Variants in SPATA17 observed in about 807,000 individuals in gnomAD.
The protein encoded by SPATA17 is spermatogenesis associated 17.
In SPATA17, 53 loss-of-function variants were observed where a neutral mutation model predicts 62.2. That is an observed-to-expected ratio of 0.85 (90% confidence interval 0.68 to 1.07). The LOEUF is 1.07. Ranked by LOEUF, SPATA17 falls within the 50% of genes least tolerant of loss-of-function variation. The probability of loss-of-function intolerance (pLI) is 0.00; values close to 1 mark genes in which losing one functional copy is unlikely to be tolerated. For synonymous variants in SPATA17, 146 were observed against 146.8 expected (o/e 0.99, Z 0.04); for missense variants, 466 against 425.5 (o/e 1.10, Z -0.84).
chr1:217,660,727 G>A (rs893469747), intron 3 of SPATA17, among the ~76,000 whole-genome samples: 5 of 152,154 alleles, frequency 3.3e-5, no homozygotes, highest in Non-Finnish European at 7.3e-5. Flanking sequence ...GGGCTGAGAC[G>A]AAGAGATATG....
chr1:217,729,166 A>G (rs1381582458), intron 5 of SPATA17, among the ~76,000 whole-genome samples: 1 of 152,198 alleles, frequency 6.6e-6, no homozygotes, highest in Non-Finnish European at 1.5e-5. Context: ...TCTGCAGTAA[A>G]CAGCTGGGTA....
intron 9 of SPATA17, among the ~76,000 whole-genome samples, chr1:217,860,315 C>G (rs1675873126): frequency 6.6e-6 from 1 of 152,052 alleles, no homozygotes; most frequent in South Asian, 2.1e-4. Flanking sequence ...TTTTATGGCC[C>G]AAGATGTGGT....
At chr1:217,770,978 ATTTTTTTTTT>A (rs374042087) in intron 6 of SPATA17, among the ~76,000 whole-genome samples, 552 of 50,160 alleles carry the variant, frequency 0.011, 4 homozygotes, top group African/African-American at 0.045. Flanking sequence ...AACTCATTGC[ATTTTTTTTTT>A]TTTTTTTTTT....
intron 8 of SPATA17, among the ~76,000 whole-genome samples, chr1:217,789,173 T>A (rs964700431): frequency 3.9e-5 from 6 of 152,172 alleles, no homozygotes; most frequent in African/African-American, 1.2e-4. Context: ...TCTACATCTT[T>A]TAGAAAAACA....
At chr1:217,754,560 C>T (rs1672996618) in intron 6 of SPATA17, among the ~76,000 whole-genome samples, 1 of 152,006 alleles carries the variant, frequency 6.6e-6, no homozygotes, top group East Asian at 1.9e-4. Context: ...GAGTTAGATG[C>T]TATTATGTAT....
intron 9 of SPATA17, among the ~76,000 whole-genome samples, chr1:217,819,474 C>A (rs2102996103): frequency 6.6e-6 from 1 of 152,040 alleles, no homozygotes; most frequent in East Asian, 1.9e-4. Flanking sequence ...CAATGCTCTT[C>A]TCTATAGTTG....
At chr1:217,745,083 T>C (rs1353934095) in intron 6 of SPATA17, among the ~76,000 whole-genome samples, 1 of 152,196 alleles carries the variant, frequency 6.6e-6, no homozygotes, top group Non-Finnish European at 1.5e-5. Context: ...AAAAAATTAG[T>C]TAGAAATTTC....
intron 9 of SPATA17, among the ~76,000 whole-genome samples, chr1:217,823,220 T>G (rs1674910285): frequency 6.6e-6 from 1 of 151,950 alleles, no homozygotes; most frequent in African/African-American, 2.4e-5. Flanking sequence ...TTTACCTGGT[T>G]ATATGAATCA....
chr1:217,732,149 A>C (rs1672417650), intron 5 of SPATA17, among the ~76,000 whole-genome samples: 3 of 151,600 alleles, frequency 2.0e-5, no homozygotes, highest in South Asian at 2.1e-4. Context: ...CCAACAATAA[A>C]TGGGATGGCA....
intron 9 of SPATA17, among the ~76,000 whole-genome samples, chr1:217,825,607 A>G (rs1674982294): frequency 6.6e-6 from 1 of 151,988 alleles, no homozygotes; most frequent in Non-Finnish European, 1.5e-5. Flanking sequence ...ACATATACAT[A>G]TATGTTATGT....
At chr1:217,863,018 C>G (rs1675928468) in intron 10 of SPATA17, among the ~76,000 whole-genome samples, 162 bp downstream of exon 10, 1 of 151,194 alleles carries the variant, frequency 6.6e-6, no homozygotes, top group Non-Finnish European at 1.5e-5. Context: ...TAATGGTTTT[C>G]AACATTTAAA....
chr1:217,691,490 T>C (rs1417267967), intron 5 of SPATA17, among the ~76,000 whole-genome samples: 1 of 78,926 alleles, frequency 1.3e-5, no homozygotes, highest in African/African-American at 4.9e-5. Context: ...AGCTCTTTAG[T>C]TTAATTAGAT....
At chr1:217,683,405 G>T in intron 5 of SPATA17, 44 bp downstream of exon 5, 1 of 1,252,604 alleles carries the variant, frequency 8.0e-7, no homozygotes, top group Non-Finnish European at 1.2e-6. Flanking sequence ...ACTTTGGAAA[G>T]ATTACTCAAT....
intron 6 of SPATA17, among the ~76,000 whole-genome samples, chr1:217,772,339 A>G (rs1673469748): frequency 6.6e-6 from 1 of 152,174 alleles, no homozygotes; most frequent in African/African-American, 2.4e-5. Flanking sequence ...TTTTTCTTGT[A>G]TCAATTGTAA....
intron 10 of SPATA17, among the ~76,000 whole-genome samples, chr1:217,864,018 A>G (rs1675950971): frequency 6.6e-6 from 1 of 152,210 alleles, no homozygotes; most frequent in South Asian, 2.1e-4. Context: ...TTGGAAGTTA[A>G]TATGTTAAAT....
intron 4 of SPATA17, among the ~76,000 whole-genome samples, chr1:217,672,016 T>C (rs142583803): frequency 2.2e-4 from 33 of 152,294 alleles, no homozygotes; most frequent in Non-Finnish European, 3.7e-4. Flanking sequence ...TAGCATTGGT[T>C]GATCCAAGTG....
At chr1:217,848,904 T>C (rs1675585781) in intron 9 of SPATA17, among the ~76,000 whole-genome samples, 1 of 152,164 alleles carries the variant, frequency 6.6e-6, no homozygotes, top group Non-Finnish European at 1.5e-5. Context: ...TTTTACTTTC[T>C]AGGAGAGTTC....
At chr1:217,815,979 A>G (rs559719256) in intron 9 of SPATA17, among the ~76,000 whole-genome samples, 170 of 152,288 alleles carry the variant, frequency 1.1e-3, no homozygotes, top group African/African-American at 3.9e-3. Flanking sequence ...TGTATTATCG[A>G]ACTGCTCTGA....
At chr1:217,671,025 T>C (rs1244489024) in intron 4 of SPATA17, among the ~76,000 whole-genome samples, 1 of 147,868 alleles carries the variant, frequency 6.8e-6, no homozygotes, top group Admixed American at 6.7e-5. Context: ...AAAATAATAA[T>C]AATAATTATA....
Sources: gnomAD v4.1 joint callset for allele counts (sites outside exome capture counted in the v4.1 genomes callset) on GRCh38, gnomAD v4.1.1 for gene constraint, MANE v1.5 for transcripts, NCBI Gene and HGNC (gene_info 2026-07-23, HGNC 2026-07-21) for gene names.